The following SRRM2 variants were observed in gnomAD, a reference collection of about 807,000 sequenced individuals.
SRRM2 encodes serine/arginine repetitive matrix protein 2.
In SRRM2, 30 loss-of-function variants were observed where a neutral mutation model predicts 213.8. The observed-to-expected ratio is 0.14, with a 90% CI of 0.10 to 0.19. SRRM2 has a LOEUF of 0.19. SRRM2 is among the 10% of genes least tolerant of loss of function. The pLI is 1.00. For missense variants in SRRM2, 4,904 were observed against 3,647.0 expected (o/e 1.34, Z -8.88); for synonymous variants, 2,025 against 1,377.7 (o/e 1.47, Z -10.40).
At chr16:2,770,128 G>A in intron 12 of SRRM2, 1 of 1,422,576 alleles carries the variant, frequency 7.0e-7, no homozygotes, top group Non-Finnish European at 9.2e-7. Context: ...TTCAAGGGCA[G>A]GGACTGTCTT....
chr16:2,768,388 A>C (rs1230201624), intron 11 of SRRM2, 127 bp downstream of exon 11: 1 of 1,066,946 alleles, frequency 9.4e-7, no homozygotes, highest in Non-Finnish European at 1.3e-6. Context: ...CTTGACCCTC[A>C]AGCTGGGGGT....
At chr16:2,754,173 A>T (rs970545554) in intron 1 of SRRM2, among the ~76,000 whole-genome samples, 1 of 152,044 alleles carries the variant, frequency 6.6e-6, no homozygotes, top group African/African-American at 2.4e-5. Flanking sequence ...GTGTCTTAAC[A>T]CACCCCTTAG....
In SRRM2 at chr16:2,769,035, G is replaced by T. The variant is rs773971618; in HGVS notation, c.7772G>T (p.Arg2591Leu). The T allele has an allele frequency of 2.5e-6, 4 of 1,613,972 alleles. No homozygotes were observed. In the East Asian group the frequency reaches 8.9e-5, roughly 36 times the overall value. The part of the protein sequence containing the change: ...SPTPAPKEAV[R>L]EGRPPEPTPA... ...ACCCCAGCCCCAAAGGAGGCTGTTC[G>T]AGAGGGACGTCCTCCGGAGCCAACC... Residue 2591 changes from arginine (R) to leucine (L), a missense_variant, in exon 12 of 15, where the codon CGA becomes CTA. Coordinates refer to ENST00000301740, the MANE Select transcript of SRRM2 (RefSeq NM_016333.4).
At position 2,764,876 on chromosome 16, in the gene SRRM2, G is replaced by A; in HGVS notation, c.4348G>A (p.Gly1450Arg). 2 of 1,614,174 alleles carry A rather than the reference G, an allele frequency of 1.2e-6. No individual in the cohort carries two copies. Among genetic ancestry groups the A allele is most frequent in the Non-Finnish European group, 1.7e-6 (2 of 1,180,016 alleles). ...TGGGTCTTCTCCAGGACTTAGAGAT[G>A]GGTCTGGGACTCCCTCGAGGCACAG... ...RSGSSPGLRD[G>R]SGTPSRHSLS... Residue 1450 changes from glycine to arginine, a missense_variant, in exon 11 of 15, where the codon GGG becomes AGG. Gly to Arg is a moderately radical substitution (Grantham distance 125). Transcript: ENST00000301740.
At position 2,765,649 on chromosome 16, in the gene SRRM2, C is replaced by T. The variant is rs756785820; in HGVS notation, c.5121C>T (p.Ser1707=). 7.4e-6 allele frequency: 12 copies of T among 1,614,158 alleles called. No individual in the cohort carries two copies. The highest frequency in any genetic ancestry group is 1.0e-5 in the Non-Finnish European group (12 of 1,180,012). ...GGAAGGCCAGACTGTCCCGTAGAAG[C>T]CGCTCTGCCTCATCCTCACCAGAAA... ...LTRKARLSRR[S]RSASSSPETR... The change falls in exon 11 of 15, where the codon AGC becomes AGT. Residue 1707 remains serine, a synonymous_variant. Transcript: ENST00000301740.
Position 2,767,400 on chromosome 16 carries a change from C to T in SRRM2, c.6872C>T (p.Thr2291Ile). The stretch of plus-strand genomic sequence containing the variant: ...AACCTGGCTGACCCTCGCACTCCCA[C>T]AGCCCCAGCTGTGAACCTAGCAGGG... ...AVNLADPRTP[T>I]APAVNLAGAR... The change falls in exon 11 of 15, where the codon ACA (threonine) becomes ATA (isoleucine). Residue 2291 changes from threonine to isoleucine, a missense_variant. By Grantham distance (89) the Thr-to-Ile change is moderately conservative. Transcript: ENST00000301740. 6.2e-7 allele frequency: 1 copy of T among 1,614,050 alleles called. No individual in the cohort carries two copies. Among genetic ancestry groups the T allele is most frequent in the South Asian group, 1.1e-5 (1 of 91,090 alleles).
At chr16:2,753,686 C>G (rs1244803968) in intron 1 of SRRM2, 2 of 152,194 alleles carry the variant, frequency 1.3e-5, no homozygotes, top group Non-Finnish European at 2.9e-5. Flanking sequence ...TCTTCTGAAG[C>G]TTGGTTTCCA....
rs769714631 is a variant in SRRM2 at position 2,766,263 on chromosome 16, G to A, written c.5735G>A (p.Arg1912Gln). The change falls in exon 11 of 15, where the codon CGG becomes CAG. Residue 1912 changes from arginine to glutamine, a missense_variant. Coordinates refer to ENST00000301740, the MANE Select transcript of SRRM2 (RefSeq NM_016333.4). The surrounding 1 kb of genome is among the most constrained non-coding windows in gnomAD (Gnocchi z 7.0). Reference protein sequence around the residue: ...SRTSVTRRRSRSRASPVSRRR... With the variant: ...SRTSVTRRRSQSRASPVSRRR... ...ACTTCAGTGACTCGACGAAGATCCC[G>A]GTCAAGAGCATCCCCAGTGAGCAGA... The A allele has an allele frequency of 1.2e-5, 20 of 1,614,014 alleles. No homozygotes were observed. In the African/African-American group the frequency reaches 1.3e-4, roughly 11 times the overall value.
In SRRM2 at chr16:2,766,479, C is replaced by A; in HGVS notation, c.5951C>A (p.Ser1984Tyr). ...CCTATCACTCGCAGAAGATCAAGATCCAGAACATCTCCGGTCACCCGAAGG... is the reference window on the plus strand; with the variant it reads ...CCTATCACTCGCAGAAGATCAAGATACAGAACATCTCCGGTCACCCGAAGG... The part of the protein sequence containing the change: ...TSPITRRRSR[S>Y]RTSPVTRRRS... The change falls in exon 11 of 15, where the codon TCC becomes TAC. Residue 1984 changes from serine to tyrosine, a missense_variant. Coordinates refer to ENST00000301740, the MANE Select transcript of SRRM2 (RefSeq NM_016333.4). This position sits in a 1 kb window ranked among gnomAD's most constrained non-coding sequence, Gnocchi z 7.0. 6.2e-7 allele frequency: 1 copy of A among 1,614,140 alleles called. No individual in the cohort carries two copies. Among genetic ancestry groups the A allele is most frequent in the Non-Finnish European group, 8.5e-7 (1 of 1,180,028 alleles).
At chr16:2,769,451 C>T (rs1042818095) in intron 12 of SRRM2, 167 bp downstream of exon 12, 1 of 810,898 alleles carries the variant, frequency 1.2e-6, no homozygotes, top group Non-Finnish European at 1.9e-6. Flanking sequence ...GCACCCTGTT[C>T]TGGCGAAGGG....
intron 11 of SRRM2, 82 bp from the exon 12 acceptor site, chr16:2,768,915 C>T: frequency 1.9e-6 from 3 of 1,585,834 alleles, no homozygotes; most frequent in Non-Finnish European, 2.6e-6. Context: ...CCCCTCCCCC[C>T]ACTGCCGTTC....
chr16:2,754,841 C>G (rs946277674), intron 1 of SRRM2, among the ~76,000 whole-genome samples: 65 of 152,082 alleles, frequency 4.3e-4, no homozygotes, highest in African/African-American at 1.6e-3. Context: ...TCATTTTTTC[C>G]TGGATTTCTG....
At chr16:2,759,736 C>CG (rs1162689923) in intron 9 of SRRM2, 75 bp downstream of exon 9, 1 of 1,404,088 alleles carries the variant, frequency 7.1e-7, no homozygotes, top group Non-Finnish European at 9.9e-7. Context: ...TGAGCGCCCA[C>CG]GGTGTGCTAG....
chr16:2,758,610 C>T, intron 5 of SRRM2, 63 bp downstream of exon 5: 3 of 1,502,528 alleles, frequency 2.0e-6, no homozygotes, highest in East Asian at 2.3e-5. Flanking sequence ...ACCTTTCTCT[C>T]TGGAAGTGGA....
rs375840330 is a variant in SRRM2, at chr16:2,757,850, C to T, written c.420C>T (p.Gly140=). ...KKNERLRAAF[G]ISDSYVDGSS... ...ATGAAAGACTCCGTGCTGCCTTTGG[C>T]ATCAGTGATTCTTACGTAGATGGCA... is the stretch of plus-strand genomic sequence containing the variant. The change falls in exon 4 of 15, where the codon GGC becomes GGT. Residue 140 remains glycine, a synonymous_variant. Transcript: ENST00000301740. The T allele has an allele frequency of 1.7e-5, 27 of 1,614,078 alleles. No individual in the cohort carries two copies. The highest frequency in any genetic ancestry group is 2.2e-5 in the East Asian group (1 of 44,890).
Position 2,752,695 on chromosome 16 carries a change from C to T in SRRM2, c.-183C>T, listed in dbSNP as rs772090069. ...CGAGTGGCGCAGTTGGAGCCCGTTG[C>T]GGCCCCTGAGGAAGCGAGGAGGCGT... On this transcript the variant is annotated 5_prime_UTR_variant, in exon 1 of 15. Coordinates refer to ENST00000301740, the MANE Select transcript of SRRM2 (RefSeq NM_016333.4). 19 of 324,066 alleles carry T rather than the reference C, an allele frequency of 5.9e-5. 1 individual carries two copies. Among genetic ancestry groups the T allele is most frequent in the South Asian group, 3.7e-4 (18 of 48,198 alleles). The allele number at this position is 324,066 out of a possible 1,614,324, so 20.1% of individuals were successfully genotyped here.
chr16:2,761,880 G>C lies in SRRM2; in HGVS notation c.1352G>C (p.Arg451Pro), dbSNP rs769565277. The C allele has an allele frequency of 2.5e-6, 4 of 1,612,218 alleles. No homozygotes were observed. In the Admixed American group the frequency reaches 5.0e-5, roughly 20 times the overall value. ...PKPAPAPGSH[R>P]EISSSPTSKN... ...CCTGCTCCAGCTCCAGGGTCCCACCGAGAGATTTCTTCTTCTCCCACATCT... is the reference window on the plus strand; with the variant it reads ...CCTGCTCCAGCTCCAGGGTCCCACCCAGAGATTTCTTCTTCTCCCACATCT... Residue 451 changes from arginine (R) to proline (P), a missense_variant, in exon 11 of 15, where the codon CGA becomes CCA. By Grantham distance (103) the Arg-to-Pro change is moderately radical (BLOSUM62 -2). Coordinates refer to ENST00000301740, the MANE Select transcript of SRRM2 (RefSeq NM_016333.4).
chr16:2,754,478 G>A (rs570753271), intron 1 of SRRM2, among the ~76,000 whole-genome samples: 2 of 152,152 alleles, frequency 1.3e-5, no homozygotes, highest in Non-Finnish European at 2.9e-5. Flanking sequence ...TTTTGGTAGA[G>A]ATGGAGTTTC....
In SRRM2 at chr16:2,763,768, T is replaced by C; in HGVS notation, c.3240T>C (p.His1080=). The change falls in exon 11 of 15, where the codon CAT becomes CAC. Residue 1080 remains histidine (H), a synonymous_variant. Transcript: ENST00000301740. ...CAAGTCCAGAAGTGAGACAGAGTCA[T>C]TCAGAATCACCATCTCTGCAGAGCA... ...DTSSPEVRQS[H]SESPSLQSKS... 6.2e-7 allele frequency: 1 copy of C among 1,614,178 alleles called. No individual in the cohort carries two copies. The highest frequency in any genetic ancestry group is 8.5e-7 in the Non-Finnish European group (1 of 1,180,038).
Sources: allele counts gnomAD v4.1 joint callset (sites outside exome capture counted in the v4.1 genomes callset), GRCh38; gene constraint gnomAD v4.1.1; non-coding constraint Gnocchi (gnomAD v3.1); transcripts MANE v1.5; gene names NCBI Gene and HGNC (gene_info 2026-07-23, HGNC 2026-07-21).